ASIC2: variants seen among roughly 807,000 people sequenced by gnomAD.
ASIC2 encodes the protein acid-sensing ion channel 2.
ASIC2 carries 25 observed loss-of-function variants against 57.3 expected under a neutral mutation model. That is an observed-to-expected ratio of 0.44 (90% CI 0.32 to 0.61). The LOEUF is 0.61. Among genes scored for constraint, ASIC2 ranks in the 20% least tolerant of loss-of-function variants. ASIC2 has a pLI of 0.06. For missense variants in ASIC2, 641 were observed against 738.1 expected, an observed-to-expected ratio of 0.87 and a Z score of 1.52; for synonymous variants, 319 against 307.5, an observed-to-expected ratio of 1.04 and a Z score of -0.39.
At chr17:33,816,170 A>AG (rs35521850) in intron 1 of ASIC2, among the ~76,000 whole-genome samples, 94,830 of 119,592 alleles carry the variant, frequency 0.79, 35,508 homozygotes, top group African/African-American at 0.81. Flanking sequence ...CACCAACTGA[A>AG]GGGGGGGCGG....
intron 1 of ASIC2, among the ~76,000 whole-genome samples, chr17:34,109,752 ATACTC>A (rs1186202162): frequency 1.3e-5 from 2 of 152,160 alleles, no homozygotes; most frequent in Non-Finnish European, 2.9e-5. Context: ...GCTCATTCAT[ATACTC>A]TACTCTCATT....
At chr17:33,930,317 A>C (rs761293374) in intron 1 of ASIC2, among the ~76,000 whole-genome samples, 17 of 152,230 alleles carry the variant, frequency 1.1e-4, no homozygotes, top group Non-Finnish European at 2.1e-4. Flanking sequence ...TATATTTGTA[A>C]GAAGAATGTC....
At chr17:33,319,632 C>T (rs1906791421) in intron 1 of ASIC2, among the ~76,000 whole-genome samples, 1 of 152,106 alleles carries the variant, frequency 6.6e-6, no homozygotes, top group South Asian at 2.1e-4. Context: ...AAGCATTTAT[C>T]CTTTCTTTGT....
intron 1 of ASIC2, among the ~76,000 whole-genome samples, chr17:33,732,912 A>G (rs1192174172): frequency 6.6e-6 from 1 of 152,210 alleles, no homozygotes; most frequent in Non-Finnish European, 1.5e-5. Context: ...TGTTGGGATT[A>G]TAGGCGTGTG....
At chr17:34,046,327 A>G (rs1317916855) in intron 1 of ASIC2, among the ~76,000 whole-genome samples, 2 of 152,262 alleles carry the variant, frequency 1.3e-5, no homozygotes, top group African/African-American at 2.4e-5. Context: ...GGTAAATGTT[A>G]TAAGTGACAA....
chr17:33,877,470 T>A (rs1276029156), intron 1 of ASIC2, among the ~76,000 whole-genome samples: 1 of 152,226 alleles, frequency 6.6e-6, no homozygotes, highest in African/African-American at 2.4e-5. Flanking sequence ...CAGGAGATTA[T>A]AACCCATTCC....
At chr17:33,460,209 T>C (rs1912589132) in intron 1 of ASIC2, among the ~76,000 whole-genome samples, 1 of 152,196 alleles carries the variant, frequency 6.6e-6, no homozygotes, top group African/African-American at 2.4e-5. Context: ...CTCTTAATTC[T>C]AGGGATGGGT....
intron 1 of ASIC2, among the ~76,000 whole-genome samples, chr17:33,407,026 G>A (rs1420578830): frequency 6.6e-6 from 1 of 152,198 alleles, no homozygotes; most frequent in African/African-American, 2.4e-5. Context: ...TGGCTTCCTA[G>A]AGCTACCATT....
At chr17:33,496,785 T>C (rs1196512817) in intron 1 of ASIC2, among the ~76,000 whole-genome samples, 1 of 151,876 alleles carries the variant, frequency 6.6e-6, no homozygotes, top group Non-Finnish European at 1.5e-5. Context: ...GCCCAGCTAA[T>C]TGTTCTATTT....
intron 1 of ASIC2, among the ~76,000 whole-genome samples, chr17:33,646,326 T>C (rs1906738255): frequency 1.3e-5 from 2 of 152,138 alleles, no homozygotes; most frequent in African/African-American, 4.8e-5. Flanking sequence ...AAAGATTGCA[T>C]TGTACTGAGA....
chr17:33,713,446 A>T (rs1452253167), intron 1 of ASIC2, among the ~76,000 whole-genome samples: 1 of 152,050 alleles, frequency 6.6e-6, no homozygotes. Flanking sequence ...CACAAGTTCA[A>T]TCTCTTCTCC....
chr17:33,116,508 C>A (rs550867714), intron 1 of ASIC2, among the ~76,000 whole-genome samples: 36 of 152,314 alleles, frequency 2.4e-4, no homozygotes, highest in Non-Finnish European at 4.6e-4. Context: ...CTGACAGGCC[C>A]ACTGTGGATG....
chr17:33,349,895 A>T (rs1908091746), intron 1 of ASIC2, among the ~76,000 whole-genome samples: 1 of 151,300 alleles, frequency 6.6e-6, no homozygotes, highest in Non-Finnish European at 1.5e-5. Context: ...GGTAGTCGGC[A>T]CTCAAAATTT....
chr17:33,178,482 A>T (rs1205616995), intron 1 of ASIC2, among the ~76,000 whole-genome samples: 2 of 152,248 alleles, frequency 1.3e-5, no homozygotes, highest in African/African-American at 4.8e-5. Flanking sequence ...TGTCATGCAC[A>T]GTGCTAGGCA....
intron 1 of ASIC2, among the ~76,000 whole-genome samples, chr17:33,908,868 C>G (rs1042865126): frequency 1.3e-5 from 2 of 152,180 alleles, no homozygotes; most frequent in African/African-American, 4.8e-5. Flanking sequence ...TCAATTAATA[C>G]TTATTAATCC....
At chr17:33,458,589 T>C (rs995584680) in intron 1 of ASIC2, among the ~76,000 whole-genome samples, 1 of 152,136 alleles carries the variant, frequency 6.6e-6, no homozygotes, top group Admixed American at 6.5e-5. Context: ...CTCCTCTGCA[T>C]AATGGGTTGT....
At chr17:33,459,666 C>T (rs141694977) in intron 1 of ASIC2, among the ~76,000 whole-genome samples, 4 of 152,170 alleles carry the variant, frequency 2.6e-5, no homozygotes, top group African/African-American at 4.8e-5. Context: ...GCTGTTCTGT[C>T]GGGGTGGGAA....
intron 1 of ASIC2, among the ~76,000 whole-genome samples, chr17:34,030,521 T>C (rs1231671336): frequency 6.6e-6 from 1 of 152,138 alleles, no homozygotes; most frequent in Non-Finnish European, 1.5e-5. Context: ...GGACAGTAGG[T>C]GCAGTGCACC....
intron 1 of ASIC2, among the ~76,000 whole-genome samples, chr17:33,976,188 T>TA (rs1905380065): frequency 6.6e-6 from 1 of 151,720 alleles, no homozygotes; most frequent in Non-Finnish European, 1.5e-5. Context: ...AATGGGGTAT[T>TA]AATCCCTTTC....
Sources: allele counts gnomAD v4.1 joint callset (sites outside exome capture counted in the v4.1 genomes callset), GRCh38; gene constraint gnomAD v4.1.1; transcripts MANE v1.5; gene names NCBI Gene and HGNC (gene_info 2026-07-23, HGNC 2026-07-21).